The following GPM6A variants were observed in gnomAD, a reference collection of about 807,000 sequenced individuals.
GPM6A encodes glycoprotein M6A, also known as neuronal membrane glycoprotein M6-a.
GPM6A carries 7 observed loss-of-function variants against 32.1 expected under a neutral mutation model. The observed-to-expected ratio is 0.22, with a 90% CI of 0.12 to 0.41. The LOEUF (loss-of-function observed/expected upper bound fraction) is 0.41. Among genes scored for constraint, GPM6A ranks in the 10% least tolerant of loss-of-function variants. GPM6A has a pLI of 1.00. For synonymous variants in GPM6A, 130 were observed against 123.4 expected (o/e 1.05, Z -0.35); for missense variants, 235 against 347.2 (o/e 0.68, Z 2.57).
chr4:175,868,153 TCTGGCAAGA>T (rs1466992077), intron 1 of GPM6A, among the ~76,000 whole-genome samples: 4 of 152,196 alleles, frequency 2.6e-5, no homozygotes, highest in Admixed American at 2.6e-4. Flanking sequence ...GAGTCTTTGA[TCTGGCAAGA>T]CTAACTCCCT....
chr4:175,965,291 A>G (rs926564614), intron 1 of GPM6A, among the ~76,000 whole-genome samples: 3 of 152,202 alleles, frequency 2.0e-5, no homozygotes, highest in Admixed American at 6.5e-5. Flanking sequence ...GACCATTGGT[A>G]CTTAGACAAA....
intron 1 of GPM6A, among the ~76,000 whole-genome samples, chr4:175,783,922 T>C (rs1346274695): frequency 3.9e-5 from 6 of 152,012 alleles, no homozygotes; most frequent in African/African-American, 1.4e-4. Flanking sequence ...TGTCCACAAA[T>C]TTTTTGATAT....
At chr4:175,895,625 C>T (rs1020586662) in intron 1 of GPM6A, among the ~76,000 whole-genome samples, 2 of 151,996 alleles carry the variant, frequency 1.3e-5, no homozygotes, top group Non-Finnish European at 2.9e-5. Context: ...TCCAAATCAA[C>T]CTATTAATAT....
intron 1 of GPM6A, among the ~76,000 whole-genome samples, chr4:175,931,391 G>T (rs1242459425): frequency 6.6e-6 from 1 of 152,082 alleles, no homozygotes; most frequent in Non-Finnish European, 1.5e-5. Context: ...GCCTTGCAGT[G>T]TAGAAGTTTG....
chr4:175,733,719 T>A (rs1027794771), intron 1 of GPM6A, among the ~76,000 whole-genome samples: 2 of 152,146 alleles, frequency 1.3e-5, no homozygotes, highest in South Asian at 4.1e-4. Flanking sequence ...TCTGAGAGAC[T>A]ATGAAAAGAA....
At chr4:175,650,380 C>A (rs921204718) in intron 4 of GPM6A, among the ~76,000 whole-genome samples, 1 of 151,962 alleles carries the variant, frequency 6.6e-6, no homozygotes, top group Non-Finnish European at 1.5e-5. Flanking sequence ...TCTCAGCTCA[C>A]TACAACCTCT....
intron 1 of GPM6A, among the ~76,000 whole-genome samples, chr4:175,908,529 T>TA (rs201571205): frequency 1.7e-4 from 26 of 150,860 alleles, no homozygotes; most frequent in South Asian, 1.7e-3. Flanking sequence ...TTTCCAAAGT[T>TA]AAAAAAAAAG....
chr4:175,951,008 C>A (rs1412021448), intron 1 of GPM6A, among the ~76,000 whole-genome samples: 1 of 151,958 alleles, frequency 6.6e-6, no homozygotes, highest in Non-Finnish European at 1.5e-5. Flanking sequence ...ATTTAGAAAG[C>A]CTTTTTGGTT....
At chr4:175,977,949 T>A (rs1424952493) in intron 1 of GPM6A, among the ~76,000 whole-genome samples, 1 of 152,200 alleles carries the variant, frequency 6.6e-6, no homozygotes, top group Admixed American at 6.5e-5. Flanking sequence ...CTCCAAATAC[T>A]ATGTGGTCCT....
chr4:175,733,451 C>T (rs541248755), intron 1 of GPM6A, among the ~76,000 whole-genome samples: 3 of 152,158 alleles, frequency 2.0e-5, no homozygotes, highest in African/African-American at 7.2e-5. Context: ...TGCAGTGAGC[C>T]AAGATTGCGC....
At chr4:175,818,865 G>A (rs532559400) in intron 1 of GPM6A, among the ~76,000 whole-genome samples, 2 of 152,234 alleles carry the variant, frequency 1.3e-5, no homozygotes, top group Admixed American at 6.5e-5. Flanking sequence ...TATTAATTGT[G>A]TTTCATCTTT....
intron 2 of GPM6A, among the ~76,000 whole-genome samples, chr4:175,680,242 C>T (rs1743607149): frequency 1.3e-5 from 2 of 152,046 alleles, no homozygotes; most frequent in African/African-American, 4.8e-5. Context: ...ACCTCCAAAC[C>T]CAGTCTATCG....
intron 1 of GPM6A, among the ~76,000 whole-genome samples, chr4:175,827,997 A>G (rs897667903): frequency 6.6e-6 from 1 of 152,190 alleles, no homozygotes; most frequent in Non-Finnish European, 1.5e-5. Context: ...AATCAACTGT[A>G]TATTGTTCTG....
intron 1 of GPM6A, among the ~76,000 whole-genome samples, chr4:175,922,064 C>G (rs77811904): frequency 0.023 from 3,529 of 152,218 alleles, 69 homozygotes; most frequent in African/African-American, 0.045. Flanking sequence ...GCTTGCCTAC[C>G]TAATACTTAC....
At chr4:175,742,170 TA>T (rs1389203648) in intron 1 of GPM6A, among the ~76,000 whole-genome samples, 4 of 152,116 alleles carry the variant, frequency 2.6e-5, no homozygotes, top group Admixed American at 6.6e-5. Flanking sequence ...CCTAAGTTAA[TA>T]CCCAAATACT....
chr4:175,895,791 G>C (rs1458048947), intron 1 of GPM6A, among the ~76,000 whole-genome samples: 1 of 152,096 alleles, frequency 6.6e-6, no homozygotes, highest in Non-Finnish European at 1.5e-5. Context: ...TATGATGTAT[G>C]GGTATAATAG....
chr4:175,931,919 CAAAAAATAA>C (rs895036962), intron 1 of GPM6A, among the ~76,000 whole-genome samples: 4 of 151,324 alleles, frequency 2.6e-5, no homozygotes, highest in African/African-American at 7.3e-5. Flanking sequence ...ACCTCAGCTA[CAAAAAATAA>C]TAAATAAATA....
chr4:175,904,703 C>T (rs748674952), intron 1 of GPM6A, among the ~76,000 whole-genome samples: 7 of 152,044 alleles, frequency 4.6e-5, no homozygotes, highest in Non-Finnish European at 8.8e-5. Context: ...AAAGCTCCTA[C>T]AATTTATGGA....
intron 1 of GPM6A, among the ~76,000 whole-genome samples, chr4:175,868,226 T>C (rs1432318063): frequency 6.6e-6 from 1 of 152,190 alleles, no homozygotes; most frequent in Non-Finnish European, 1.5e-5. Context: ...CCCTGTGTCA[T>C]CTAGATCCAG....
Sources: gnomAD v4.1 joint callset for allele counts (sites outside exome capture counted in the v4.1 genomes callset) on GRCh38, gnomAD v4.1.1 for gene constraint, MANE v1.5 for transcripts, NCBI Gene and HGNC (gene_info 2026-07-23, HGNC 2026-07-21) for gene names.